Variants in DPP9 observed in about 807,000 individuals in gnomAD.
The protein encoded by DPP9 is dipeptidyl peptidase 9.
In DPP9, 50 loss-of-function variants were observed where a neutral mutation model predicts 110.7. The observed-to-expected ratio is 0.45, with a 90% CI of 0.36 to 0.57. The LOEUF (loss-of-function observed/expected upper bound fraction) is 0.57, where lower values mean the gene tolerates loss of function less well. DPP9 is among the 20% of genes least tolerant of loss of function. The pLI, the probability that DPP9 is intolerant of heterozygous loss-of-function variation, is 0.00. For synonymous variants in DPP9, 561 were observed against 514.4 expected (o/e 1.09, Z -1.23); for missense variants, 1,022 against 1,217.9 (o/e 0.84, Z 2.39).
chr19:4,695,135 A>G lies in DPP9; in HGVS notation c.1353+243T>C, dbSNP rs2091680053. On this transcript the variant is annotated intron_variant, in intron 12 of 21. Transcript: ENST00000262960. The surrounding 1 kb of genome is among the most constrained non-coding windows in gnomAD (Gnocchi z 4.7). ...CACTGCACTCTAGTCTGGGCAACAGAGCAACCCTGTCTCTAATTAAAGAAA... is the reference window on the plus strand; with the variant it reads ...CACTGCACTCTAGTCTGGGCAACAGGGCAACCCTGTCTCTAATTAAAGAAA... The G allele has an allele frequency of 1.7e-6, 1 of 579,268 alleles. No homozygotes were observed. Among genetic ancestry groups the G allele is most frequent in the South Asian group, 2.2e-5 (1 of 44,636 alleles). 35.9% of individuals were successfully genotyped at this position (579,268 alleles called of 1,614,324 possible).
At position 4,703,957 on chromosome 19, in the gene DPP9, A is replaced by T. The variant is rs970274779; in HGVS notation, c.698T>A (p.Ile233Asn). Residue 233 changes from isoleucine (I) to asparagine (N), a missense_variant, in exon 7 of 22, where the codon ATC (isoleucine) becomes AAC (asparagine). Physicochemically the swap from Ile to Asn is moderately radical, Grantham distance 149. Coordinates refer to ENST00000262960, the MANE Select transcript of DPP9 (RefSeq NM_139159.5). ...GGCCACCCACAGGTCGCTGTTATTG[A>T]TGAAGGAGAAGAAGGCAGGGTCGGC... Reference protein sequence around the residue: ...CPADPAFFSFINNSDLWVANI... With the variant: ...CPADPAFFSFNNNSDLWVANI... The T allele has an allele frequency of 6.2e-7, 1 of 1,613,898 alleles. No homozygotes were observed. Among genetic ancestry groups the T allele is most frequent in the Non-Finnish European group, 8.5e-7 (1 of 1,179,840 alleles).
chr19:4,679,522 G>A (rs1018415891), intron 21 of DPP9: 5 of 378,544 alleles, frequency 1.3e-5, no homozygotes, highest in Middle Eastern at 7.7e-4. Context: ...AATAAAGCCC[G>A]TCTGCGGGGC....
chr19:4,690,860 G>A lies in DPP9; in HGVS notation c.1596+18C>T, dbSNP rs201860088. 1.1e-4 allele frequency: 176 copies of A among 1,604,460 alleles called. 1 individual carries two copies. The East Asian group carries it at 3.8e-3, about 35-fold the overall frequency. The stretch of plus-strand genomic sequence containing the variant: ...CACATGCATGGAGCAGGGGAAGGCT[G>A]CAAGGAGACCCTGGTACCTTGGAGC... On this transcript the variant is annotated intron_variant, in intron 14 of 21. Transcript: ENST00000262960.
chr19:4,711,306 G>A (rs897392903), intron 4 of DPP9, among the ~76,000 whole-genome samples: 3 of 152,144 alleles, frequency 2.0e-5, no homozygotes, highest in African/African-American at 7.2e-5. Context: ...GCAGCTCCAC[G>A]GAGATTTGAA....
Position 4,719,928 on chromosome 19 carries a change from G to A in DPP9, c.-22C>T. On this transcript the variant is annotated 5_prime_UTR_variant, in exon 3 of 22. Coordinates refer to ENST00000262960, the MANE Select transcript of DPP9 (RefSeq NM_139159.5). ...GCATTAACCGCTCAGCTGACCTCAG[G>A]AGGGCAGGGGTGCCTGCGGGCAAGT... 6.4e-7 allele frequency: 1 copy of A among 1,551,684 alleles called. No homozygotes were observed. The highest frequency in any genetic ancestry group is 1.4e-5 in the African/African-American group (1 of 73,174).
Position 4,700,889 on chromosome 19 carries a change from G to A in DPP9, c.1013-612C>T, listed in dbSNP as rs2092206625. ...TACGAGAAACTCAACTCCAGCCCTC[G>A]TGGCTCTGGCCTCCAGGGCAGGTGA... On this transcript the variant is annotated intron_variant, in intron 9 of 21. Coordinates refer to ENST00000262960, the MANE Select transcript of DPP9 (RefSeq NM_139159.5). This position sits in a 1 kb window ranked among gnomAD's most constrained non-coding sequence, Gnocchi z 4.3. Among the ~76,000 whole-genome samples the A allele has an allele frequency of 6.6e-6, 1 of 152,116 alleles. No homozygotes were observed. The highest frequency in any genetic ancestry group is 2.4e-5 in the African/African-American group (1 of 41,424).
chr19:4,704,352 T>C lies in DPP9; in HGVS notation c.427-48A>G. 1 of 1,578,388 alleles carries C rather than the reference T, an allele frequency of 6.3e-7. No homozygotes were observed. Among genetic ancestry groups the C allele is most frequent in the Non-Finnish European group, 8.6e-7 (1 of 1,160,842 alleles). ...GGGCAGCGTCAGTGGGCAAAGAGGA[T>C]CTCCCGCTGGCCAGGGCAGAGATCC... is the stretch of plus-strand genomic sequence containing the variant. On this transcript the variant is annotated intron_variant, in intron 5 of 21. Transcript: ENST00000262960. The surrounding 1 kb of genome is among the most constrained non-coding windows in gnomAD (Gnocchi z 6.0).
rs148018996 is a variant in DPP9 at position 4,695,473 on chromosome 19, C to G, written c.1258G>C (p.Glu420Gln). ...LPPALFIPST[E>Q]NEEQRLASAR... is the part of the protein sequence containing the mutation. ...GAGGCTAGCCGCTGCTCCTCATTCTCTGTGCTCGGGATGAACAGGGCCGGG... is the reference window on the plus strand; with the variant it reads ...GAGGCTAGCCGCTGCTCCTCATTCTGTGTGCTCGGGATGAACAGGGCCGGG... The change falls in exon 12 of 22, where the codon GAG becomes CAG. Residue 420 changes from glutamate (E) to glutamine (Q), a missense_variant. Coordinates refer to ENST00000262960, the MANE Select transcript of DPP9 (RefSeq NM_139159.5). The surrounding 1 kb of genome is among the most constrained non-coding windows in gnomAD (Gnocchi z 4.7). 805 of 1,582,304 alleles carry G rather than the reference C, an allele frequency of 5.1e-4. 4 individuals carry two copies. The East Asian group carries it at 0.013, about 26-fold the overall frequency.
Position 4,700,762 on chromosome 19 carries a change from T to G in DPP9, c.1013-485A>C, listed in dbSNP as rs1599913907. ...CCTCCGGAGGCCAATGGCGACAGAA[T>G]AAGGGACCCAAGAGGCTTCTGAAGA... On this transcript the variant is annotated intron_variant, in intron 9 of 21. Transcript: ENST00000262960. The surrounding 1 kb of genome is among the most constrained non-coding windows in gnomAD (Gnocchi z 4.3). 6.6e-6 allele frequency among the ~76,000 whole-genome samples: 1 copy of G among 152,096 alleles called. No homozygotes were observed. Among genetic ancestry groups the G allele is most frequent in the East Asian group, 1.9e-4 (1 of 5,192 alleles).
At chr19:4,716,561 C>T (rs569407165) in intron 3 of DPP9, among the ~76,000 whole-genome samples, 26 of 151,844 alleles carry the variant, frequency 1.7e-4, no homozygotes, top group Admixed American at 1.4e-3. Context: ...GGCGTGAACC[C>T]GGGAGGCGGA....
Position 4,676,429 on chromosome 19 carries a change from TCCTCG to T in DPP9, c.*130_*134del, listed in dbSNP as rs2088836068. 9 of 718,996 alleles carry T rather than the reference TCCTCG, an allele frequency of 1.3e-5. No homozygotes were observed. Among genetic ancestry groups the T allele is most frequent in the Non-Finnish European group, 1.9e-5 (8 of 418,964 alleles). 44.5% of individuals were successfully genotyped at this position (718,996 alleles called of 1,614,324 possible). A position where few individuals can be genotyped will look rare whatever the true frequency, so the allele number is the denominator to read the frequency against. ...GCGTCGGGGCGGTGAAGGCAGCGGC[TCCTCG>T]GGGCTGGCCAGCGCTGGGCGGGACA... On this transcript the variant is annotated 3_prime_UTR_variant, in exon 22 of 22. Coordinates refer to ENST00000262960, the MANE Select transcript of DPP9 (RefSeq NM_139159.5). This position sits in a 1 kb window ranked among gnomAD's most constrained non-coding sequence, Gnocchi z 4.0.
rs533208205 is a variant in DPP9 at position 4,712,881 on chromosome 19, C to T, written c.313+1200G>A. ...ACTGTTGTTAGCATGTGGTCAGCCT[C>T]AGGCAGAGGATGACGGCCGTTCACT... On this transcript the variant is annotated intron_variant, in intron 4 of 21. Coordinates refer to ENST00000262960, the MANE Select transcript of DPP9 (RefSeq NM_139159.5). Among the ~76,000 whole-genome samples, 116 of 152,334 alleles carry T rather than the reference C, an allele frequency of 7.6e-4. 2 individuals are homozygous for T. The highest frequency in any genetic ancestry group is 2.4e-3 in the African/African-American group (100 of 41,582).
intron 4 of DPP9, 128 bp downstream of exon 4, chr19:4,713,953 A>G: frequency 7.5e-7 from 1 of 1,336,656 alleles, no homozygotes; most frequent in Non-Finnish European, 9.9e-7. Flanking sequence ...CTCGAAGGAC[A>G]GCATGCCCAG....
In DPP9 at chr19:4,682,851, G is replaced by A. The variant is rs941934442; in HGVS notation, c.2332-13C>T. Reference sequence around the variant, plus strand: ...CCGCGATGGCCACCTGAGGGACACAGCAGACAGATGGGGGCAGAGAGAGAG... The same window carrying A: ...CCGCGATGGCCACCTGAGGGACACAACAGACAGATGGGGGCAGAGAGAGAG... On this transcript the variant is annotated splice_polypyrimidine_tract_variant and intron_variant, in intron 19 of 21. Transcript: ENST00000262960. The surrounding 1 kb of genome is among the most constrained non-coding windows in gnomAD (Gnocchi z 7.1). 4.4e-6 allele frequency: 7 copies of A among 1,573,878 alleles called. No homozygotes were observed. The highest frequency in any genetic ancestry group is 1.2e-5 in the South Asian group (1 of 85,908).
chr19:4,684,825 G>C lies in DPP9; in HGVS notation c.2032-16C>G, dbSNP rs775922513. ...CCAGCTGCACCTGTGGGGAGGTGAGGGCCAGCAGTCCAGCACGAGATGCCG... is the reference window on the plus strand; with the variant it reads ...CCAGCTGCACCTGTGGGGAGGTGAGCGCCAGCAGTCCAGCACGAGATGCCG... On this transcript the variant is annotated splice_polypyrimidine_tract_variant and intron_variant, in intron 17 of 21. Coordinates refer to ENST00000262960, the MANE Select transcript of DPP9 (RefSeq NM_139159.5). This position sits in a 1 kb window ranked among gnomAD's most constrained non-coding sequence, Gnocchi z 4.8. 1 of 1,584,336 alleles carries C rather than the reference G, an allele frequency of 6.3e-7. No individual in the cohort carries two copies.
intron 21 of DPP9, among the ~76,000 whole-genome samples, chr19:4,678,475 AC>A (rs1442372719): frequency 6.6e-6 from 1 of 152,156 alleles, no homozygotes; most frequent in East Asian, 1.9e-4. Flanking sequence ...AGTTATCATG[AC>A]CGTTTCAAAG....
intron 10 of DPP9, 114 bp from the exon 11 acceptor site, chr19:4,697,765 C>T (rs911200731): frequency 3.7e-6 from 3 of 812,644 alleles, no homozygotes; most frequent in Non-Finnish European, 3.9e-6. Context: ...ATGCTGGAGT[C>T]TCAGCCCCCA....
Position 4,679,883 on chromosome 19 carries a change from G to C in DPP9, c.2538C>G (p.Asn846Lys). The C allele has an allele frequency of 6.2e-7, 1 of 1,613,628 alleles. No homozygotes were observed. The highest frequency in any genetic ancestry group is 8.5e-7 in the Non-Finnish European group (1 of 1,179,816). The part of the protein sequence containing the change: ...LDENVHFFHT[N>K]FLVSQLIRAG... ...CTCGGATCAGTTGGGAGACGAGGAA[G>C]TTTGTGTGGAAAAAGTGCACGTTTT... Residue 846 changes from asparagine to lysine, a missense_variant, in exon 21 of 22, where the codon AAC becomes AAG. This residue lies in a region of DPP9 where 209 missense variants were observed against 280.4 expected (regional missense o/e 0.75). Transcript: ENST00000262960.
chr19:4,716,844 T>C lies in DPP9; in HGVS notation c.57-2507A>G, dbSNP rs564028984. ...GGCCCCCGGCCTCCCACTGACATGC[T>C]GTGTGATAAGCCCAGCAATTACAGC... On this transcript the variant is annotated intron_variant, in intron 3 of 21. Coordinates refer to ENST00000262960, the MANE Select transcript of DPP9 (RefSeq NM_139159.5). Among the ~76,000 whole-genome samples the C allele has an allele frequency of 4.6e-5, 7 of 152,202 alleles. No homozygotes were observed. In the South Asian group the frequency reaches 1.0e-3, roughly 23 times the overall value.
Sources: allele counts gnomAD v4.1 joint callset (sites outside exome capture counted in the v4.1 genomes callset), GRCh38; gene constraint gnomAD v4.1.1; regional missense constraint gnomAD v4.1.1; non-coding constraint Gnocchi (gnomAD v3.1); transcripts MANE v1.5; gene names NCBI Gene and HGNC (gene_info 2026-07-23, HGNC 2026-07-21).